The following BMPER variants were observed in gnomAD, a reference collection of about 807,000 sequenced individuals.
BMPER encodes BMP-binding endothelial regulator protein.
In BMPER, 45 loss-of-function variants were observed where a neutral mutation model predicts 87.3. The ratio of observed to expected loss-of-function variants is 0.52; its 90% CI spans 0.41 to 0.66. The LOEUF is 0.66. BMPER is among the 30% of genes least tolerant of loss of function. BMPER has a pLI of 0.00. For missense variants in BMPER, 784 were observed against 867.5 expected (o/e 0.90, Z 1.21); for synonymous variants, 326 against 316.2 (o/e 1.03, Z -0.33).
Position 34,046,311 on chromosome 7 carries a change from C to T in BMPER, c.582C>T (p.Gly194=), listed in dbSNP as rs934289574. 3 of 1,613,362 alleles carry T rather than the reference C, an allele frequency of 1.9e-6. No homozygotes were observed. The highest frequency in any genetic ancestry group is 2.5e-6 in the Non-Finnish European group (3 of 1,179,526). ...SKCTKCSCTG[G]RTQCVREVCP... ...TTTTTTCTCTCTTTTCTTAGGGAGG[C>T]AGGACACAATGTGTGAGAGAAGTCT... The change falls in exon 7 of 15, where the codon GGC becomes GGT. Residue 194 remains glycine, a synonymous_variant. Transcript: ENST00000649409.
intron 6 of BMPER, among the ~76,000 whole-genome samples, chr7:33,993,050 A>AT (rs1302626629): frequency 7.5e-6 from 1 of 133,190 alleles, no homozygotes; most frequent in Non-Finnish European, 1.6e-5. Flanking sequence ...TGCCCTTAAC[A>AT]TTTTTTCCTT....
intron 6 of BMPER, among the ~76,000 whole-genome samples, chr7:33,977,697 A>C (rs959118735): frequency 4.6e-5 from 7 of 152,246 alleles, no homozygotes; most frequent in Non-Finnish European, 1.0e-4. Context: ...GCATGTATAT[A>C]GTATTTATGT....
chr7:34,127,855 C>T (rs1790445740), intron 13 of BMPER, among the ~76,000 whole-genome samples: 1 of 152,154 alleles, frequency 6.6e-6, no homozygotes, highest in Admixed American at 6.5e-5. Context: ...TTAGTTGGAT[C>T]TTCTGAAATA....
chr7:34,080,829 C>A (rs550889326), intron 12 of BMPER, among the ~76,000 whole-genome samples: 1 of 152,278 alleles, frequency 6.6e-6, no homozygotes, highest in African/African-American at 2.4e-5. Context: ...CGATAGTGTT[C>A]CATTCGCAGC....
intron 13 of BMPER, among the ~76,000 whole-genome samples, chr7:34,129,743 A>G (rs1790532271): frequency 6.6e-6 from 1 of 152,176 alleles, no homozygotes; most frequent in Non-Finnish European, 1.5e-5. Flanking sequence ...TGAGTCCCCA[A>G]GGGCATGGAC....
At chr7:34,030,476 G>A (rs1787492425) in intron 6 of BMPER, among the ~76,000 whole-genome samples, 3 of 152,060 alleles carry the variant, frequency 2.0e-5, no homozygotes, top group African/African-American at 7.2e-5. Flanking sequence ...CGTCAATGAA[G>A]GAACCTATTT....
intron 3 of BMPER, among the ~76,000 whole-genome samples, chr7:33,939,458 C>G (rs772136761): frequency 5.3e-5 from 8 of 152,118 alleles, no homozygotes; most frequent in Non-Finnish European, 1.2e-4. Context: ...GGGGGGAGGT[C>G]AAGAATCCTG....
At chr7:33,947,172 G>A (rs1410941059) in intron 3 of BMPER, among the ~76,000 whole-genome samples, 1 of 152,140 alleles carries the variant, frequency 6.6e-6, no homozygotes, top group Non-Finnish European at 1.5e-5. Context: ...ATCATCAGGA[G>A]TCAAACAGAT....
rs1426127436 is a variant in BMPER at position 34,009,377 on chromosome 7, T to C, written c.576+34593T>C. ...AATAACCTTCATAAACCTACTCAGA[T>C]TATGTTTTATGAGGGTGCTCTATTA... On this transcript the variant is annotated intron_variant, in intron 6 of 14. Transcript: ENST00000649409. Among the ~76,000 whole-genome samples, 4 of 152,078 alleles carry C rather than the reference T, an allele frequency of 2.6e-5. No individual in the cohort carries two copies. The East Asian group carries it at 7.8e-4, about 30-fold the overall frequency.
intron 2 of BMPER, among the ~76,000 whole-genome samples, chr7:33,931,354 A>G (rs971778832): frequency 6.6e-6 from 1 of 152,192 alleles, no homozygotes; most frequent in African/African-American, 2.4e-5. Flanking sequence ...TCCCAGGTCC[A>G]CTGCTAGCTG....
chr7:33,935,500 G>A (rs2128608705), intron 2 of BMPER, among the ~76,000 whole-genome samples: 1 of 152,202 alleles, frequency 6.6e-6, no homozygotes, highest in African/African-American at 2.4e-5. Flanking sequence ...AAGGATGAGG[G>A]CCCCTGTCTC....
chr7:33,978,718 G>C (rs936708885), intron 6 of BMPER, among the ~76,000 whole-genome samples: 4 of 152,176 alleles, frequency 2.6e-5, no homozygotes, highest in African/African-American at 9.7e-5. Flanking sequence ...GATATCTTAA[G>C]TTAAAAATGC....
At chr7:33,911,591 A>C (rs1373704852) in intron 2 of BMPER, among the ~76,000 whole-genome samples, 1 of 152,224 alleles carries the variant, frequency 6.6e-6, no homozygotes, top group African/African-American at 2.4e-5. Flanking sequence ...GGCTGGCATC[A>C]TAACATTTTG....
chr7:34,032,009 G>GTATA (rs575406796), intron 6 of BMPER, among the ~76,000 whole-genome samples: 2 of 137,490 alleles, frequency 1.5e-5, no homozygotes, highest in African/African-American at 5.3e-5. Flanking sequence ...GTGTGTGTGT[G>GTATA]TATATATATA....
chr7:33,905,625 C>G lies in BMPER; in HGVS notation c.12C>G (p.Phe4Leu). Residue 4 changes from phenylalanine to leucine, a missense_variant, in exon 1 of 15, where the codon TTC becomes TTG. Coordinates refer to ENST00000649409, the MANE Select transcript of BMPER (RefSeq NM_001365308.1). ...CCCTCCAGGTGACGATGCTCTGGTT[C>G]TCCGGCGTCGGGGCTCTGGCTGAGC... MLW[F>L]SGVGALAERY... 6.2e-7 allele frequency: 1 copy of G among 1,612,834 alleles called. No homozygotes were observed. Among genetic ancestry groups the G allele is most frequent in the Non-Finnish European group, 8.5e-7 (1 of 1,179,886 alleles).
Position 34,153,176 on chromosome 7 carries a change from C to T in BMPER, c.1961C>T (p.Pro654Leu), listed in dbSNP as rs1315864452. The T allele has an allele frequency of 1.9e-6, 3 of 1,613,878 alleles. No homozygotes were observed. In the Admixed American group the frequency reaches 5.0e-5, roughly 27 times the overall value. The change falls in exon 15 of 15, where the codon CCA becomes CTA. Residue 654 changes from proline to leucine, a missense_variant. By Grantham distance (98) the Pro-to-Leu change is moderately conservative (BLOSUM62 -3). Transcript: ENST00000649409. ...TGTGACAACTGGAATGAAATTGGTC[C>T]ATGCAACAAGCCGTGCGTTGCTGGG... ...KTCDNWNEIGPCNKPCVAGCH... is the reference protein window; with the variant it reads ...KTCDNWNEIGLCNKPCVAGCH...
chr7:34,027,741 T>A (rs1346776895), intron 6 of BMPER, among the ~76,000 whole-genome samples: 1 of 152,118 alleles, frequency 6.6e-6, no homozygotes, highest in Non-Finnish European at 1.5e-5. Context: ...GCAGTATTTG[T>A]TGCCAGTGAT....
chr7:34,004,939 A>C (rs1786685939), intron 6 of BMPER, among the ~76,000 whole-genome samples: 1 of 152,130 alleles, frequency 6.6e-6, no homozygotes, highest in Admixed American at 6.6e-5. Context: ...TCCCAGGGTT[A>C]TGTAGGAGCT....
At chr7:33,991,205 T>A (rs1786206122) in intron 6 of BMPER, among the ~76,000 whole-genome samples, 1 of 150,638 alleles carries the variant, frequency 6.6e-6, no homozygotes, top group Non-Finnish European at 1.5e-5. Context: ...CAGTTCCTCC[T>A]TGTACCTCTG....
Sources: allele counts gnomAD v4.1 joint callset (sites outside exome capture counted in the v4.1 genomes callset), GRCh38; gene constraint gnomAD v4.1.1; transcripts MANE v1.5; gene names NCBI Gene and HGNC (gene_info 2026-07-23, HGNC 2026-07-21).